FRY: variants seen among roughly 807,000 people sequenced by gnomAD.
FRY encodes FRY microtubule binding protein, also known as protein furry homolog.
A neutral mutation model predicts 348.4 loss-of-function variants in FRY; 128 were observed. The ratio of observed to expected loss-of-function variants is 0.37; its 90% confidence interval spans 0.32 to 0.43. FRY has a LOEUF of 0.43. Among genes scored for constraint, FRY ranks in the 20% least tolerant of loss-of-function variants. FRY has a pLI of 1.00. For missense variants in FRY, 2,736 were observed against 3,695.2 expected (o/e 0.74, Z 6.73); for synonymous variants, 1,370 against 1,374.7 (o/e 1.00, Z 0.08).
In FRY at chr13:32,283,186, TAC is replaced by T. The variant is rs139259713; in HGVS notation, c.8469+4647_8469+4648del. 2.0e-3 allele frequency among the ~76,000 whole-genome samples: 304 copies of T among 151,504 alleles called. 1 individual carries two copies. Among genetic ancestry groups the T allele is most frequent in the Non-Finnish European group, 2.9e-3 (198 of 67,856 alleles). On this transcript the variant is annotated intron_variant, in intron 58 of 60. Transcript: ENST00000542859. ...CAACAACGAAAAAAACTTTCACACA[TAC>T]ACACACACTCAAAACAGAATTCCTG...
intron 17 of FRY, among the ~76,000 whole-genome samples, chr13:32,167,055 T>C (rs1036647528): frequency 1.9e-4 from 29 of 152,236 alleles, no homozygotes; most frequent in African/African-American, 6.7e-4. Context: ...AGATTCTAGA[T>C]TGCAAATTGT....
chr13:32,223,009 A>G (rs1422594801), intron 36 of FRY, among the ~76,000 whole-genome samples: 1 of 152,054 alleles, frequency 6.6e-6, no homozygotes, highest in Non-Finnish European at 1.5e-5. Flanking sequence ...GCTGGAGTGC[A>G]GTGGCATGAT....
At chr13:32,122,443 G>GA (rs1244419851) in intron 4 of FRY, among the ~76,000 whole-genome samples, 62 of 113,434 alleles carry the variant, frequency 5.5e-4, no homozygotes, top group East Asian at 7.2e-4. Flanking sequence ...CTCCGCCTCA[G>GA]AAAAAAAAAA....
At chr13:32,113,472 A>G (rs1261733837) in intron 3 of FRY, among the ~76,000 whole-genome samples, 3 of 152,244 alleles carry the variant, frequency 2.0e-5, no homozygotes, top group African/African-American at 7.2e-5. Context: ...CTGCCAAAGT[A>G]AACATTAAAA....
chr13:32,278,997 A>C (rs1355171899), intron 58 of FRY, among the ~76,000 whole-genome samples: 1 of 152,128 alleles, frequency 6.6e-6, no homozygotes, highest in Non-Finnish European at 1.5e-5. Flanking sequence ...AGGAAATTAA[A>C]GGACAGAGTA....
intron 29 of FRY, among the ~76,000 whole-genome samples, chr13:32,195,591 TG>T (rs1883627994): frequency 6.6e-6 from 1 of 152,194 alleles, no homozygotes. Flanking sequence ...TTTATTGCAT[TG>T]CATGGACATC....
chr13:32,210,823 T>G (rs767246648), intron 33 of FRY, 43 bp from the exon 34 acceptor site: 17 of 1,554,378 alleles, frequency 1.1e-5, no homozygotes, highest in Non-Finnish European at 1.5e-5. Flanking sequence ...TCCTGTGGAC[T>G]AGGCTCTGTG....
chr13:32,106,713 G>C (rs752067955), intron 3 of FRY, among the ~76,000 whole-genome samples: 6 of 152,156 alleles, frequency 3.9e-5, no homozygotes, highest in Non-Finnish European at 7.4e-5. Context: ...AAGAAAGGTG[G>C]AGAAATTTTA....
chr13:32,169,997 C>T (rs67925251), intron 17 of FRY, among the ~76,000 whole-genome samples: 23,437 of 152,090 alleles, frequency 0.15, 2,002 homozygotes, highest in African/African-American at 0.24. Flanking sequence ...TGTAGGGTGT[C>T]TTAGGATTCT....
At chr13:32,037,026 T>A (rs1019829302) in intron 1 of FRY, among the ~76,000 whole-genome samples, 5 of 105,192 alleles carry the variant, frequency 4.8e-5, no homozygotes, top group African/African-American at 1.9e-4. Flanking sequence ...TCTCTCTGTT[T>A]TACACACACA....
intron 56 of FRY, chr13:32,275,263 C>A (rs1047343368): frequency 9.6e-6 from 3 of 312,062 alleles, no homozygotes; most frequent in Non-Finnish European, 1.9e-5. Flanking sequence ...TGGCAGGCGC[C>A]TGTAATCCCA....
rs555682393 is a variant in FRY, at chr13:32,186,204, A to G, written c.3320-56A>G. On this transcript the variant is annotated intron_variant, in intron 26 of 60. Transcript: ENST00000542859. ...CCTCAAAATGTAAGAAATATATATA[A>G]TAGCGATATACAGTATGTCCAGTCT... is the stretch of plus-strand genomic sequence containing the variant. 48 of 1,225,442 alleles carry G rather than the reference A, an allele frequency of 3.9e-5. No homozygotes were observed. The East Asian group carries it at 1.1e-3, about 28-fold the overall frequency. 75.9% of individuals were successfully genotyped at this position (1,225,442 alleles called of 1,614,324 possible). A position where few individuals can be genotyped will look rare whatever the true frequency, so the allele number is the denominator to read the frequency against.
intron 33 of FRY, among the ~76,000 whole-genome samples, chr13:32,210,296 G>C (rs372471645): frequency 3.3e-5 from 5 of 152,200 alleles, no homozygotes; most frequent in African/African-American, 1.2e-4. Flanking sequence ...TTTCTGTGCT[G>C]GTTGTTTTTG....
At chr13:32,197,767 C>T (rs1883762284) in intron 29 of FRY, among the ~76,000 whole-genome samples, 1 of 152,246 alleles carries the variant, frequency 6.6e-6, no homozygotes, top group Admixed American at 6.5e-5. Context: ...TCAGAGCCAT[C>T]TTGAGCTTTG....
intron 1 of FRY, among the ~76,000 whole-genome samples, chr13:32,069,845 TA>T (rs1874510579): frequency 6.6e-6 from 1 of 152,148 alleles, no homozygotes; most frequent in African/African-American, 2.4e-5. Context: ...GTATTTCTCC[TA>T]ATGCTATCCC....
At chr13:32,187,766 C>T (rs1883108828) in intron 28 of FRY, 110 bp downstream of exon 28, 1 of 709,888 alleles carries the variant, frequency 1.4e-6, no homozygotes, top group African/African-American at 1.7e-5. Context: ...ACATCAGCCA[C>T]ACAAGTATAG....
In FRY at chr13:32,122,465, A is replaced by T. The variant is rs1593637667; in HGVS notation, c.465-1821A>T. On this transcript the variant is annotated intron_variant, in intron 4 of 60. Coordinates refer to ENST00000542859, the MANE Select transcript of FRY (RefSeq NM_023037.3). ...TCAGAAAAAAAAAAAGAAAAAAAAA[A>T]GCATTAGACAAAATCCGGCATCTCT... Among the ~76,000 whole-genome samples the T allele has an allele frequency of 4.6e-5, 7 of 152,038 alleles. No individual in the cohort carries two copies. The South Asian group carries it at 1.5e-3, about 32-fold the overall frequency.
intron 8 of FRY, among the ~76,000 whole-genome samples, chr13:32,133,546 T>G (rs1879501500): frequency 6.6e-6 from 1 of 152,174 alleles, no homozygotes; most frequent in South Asian, 2.1e-4. Context: ...CTGGGAACTA[T>G]AGAGCTCATC....
intron 58 of FRY, chr13:32,287,906 C>T (rs762814372): frequency 3.1e-6 from 4 of 1,308,238 alleles, no homozygotes; most frequent in Non-Finnish European, 4.1e-6. Flanking sequence ...TTCTTTCATA[C>T]TCTTTGTCCA....
Sources: allele counts gnomAD v4.1 joint callset (sites outside exome capture counted in the v4.1 genomes callset), GRCh38; gene constraint gnomAD v4.1.1; transcripts MANE v1.5; gene names NCBI Gene and HGNC (gene_info 2026-07-23, HGNC 2026-07-21).